The following MPRIP variants were observed in gnomAD, a reference collection of about 807,000 sequenced individuals.
MPRIP encodes the protein myosin phosphatase Rho interacting protein, also known as myosin phosphatase Rho-interacting protein.
MPRIP carries 59 observed loss-of-function variants against 234.9 expected under a neutral mutation model. The ratio of observed to expected loss-of-function variants is 0.25; its 90% CI spans 0.20 to 0.31. The LOEUF is 0.31. MPRIP is among the 10% of genes least tolerant of loss of function. The pLI is 1.00. For missense variants in MPRIP, 2,436 were observed against 3,071.0 expected (o/e 0.79, Z 4.89); for synonymous variants, 1,144 against 1,263.9 (o/e 0.91, Z 2.01).
At chr17:17,093,727 T>G (rs74369938) in intron 3 of MPRIP, among the ~76,000 whole-genome samples, 6,303 of 152,302 alleles carry the variant, frequency 0.041, 209 homozygotes, top group South Asian at 0.13. Flanking sequence ...TTCTTCTTAC[T>G]CCTGAGTCCT....
intron 3 of MPRIP, among the ~76,000 whole-genome samples, chr17:17,098,150 G>A (rs564564433): frequency 6.6e-6 from 1 of 152,200 alleles, no homozygotes; most frequent in Admixed American, 6.5e-5. Context: ...TGGCATTCAC[G>A]CACCTTTTGA....
At position 17,167,780 on chromosome 17, in the gene MPRIP, G is replaced by A. The variant is rs1320212907; in HGVS notation, c.6189G>A (p.Met2063Ile). 2.3e-6 allele frequency: 3 copies of A among 1,304,132 alleles called. No homozygotes were observed. The African/African-American group carries it at 4.6e-5, about 20-fold the overall frequency. The allele number at this position is 1,304,132 out of a possible 1,614,324, so 80.8% of individuals were successfully genotyped here. ...CCACCCAGGGAGAGGCTGACTCCATGACGGGGCTGAGGGAGCGCATCCAGG... is the reference window on the plus strand; with the variant it reads ...CCACCCAGGGAGAGGCTGACTCCATAACGGGGCTGAGGGAGCGCATCCAGG... ...WQATQGEADS[M>I]TGLRERIQEL... The change falls in exon 16 of 24, where the codon ATG (methionine) becomes ATA (isoleucine). Residue 2063 changes from methionine (M) to isoleucine (I), a missense_variant. Around this residue, in one of 4 missense-constraint regions of MPRIP, gnomAD observed 1,998 missense variants for 2,520.3 expected, o/e 0.79. Transcript: ENST00000651222. This position sits in a 1 kb window ranked among gnomAD's most constrained non-coding sequence, Gnocchi z 5.9.
intron 10 of MPRIP, among the ~76,000 whole-genome samples, chr17:17,146,952 C>T (rs1360394104): frequency 1.3e-5 from 2 of 152,252 alleles, no homozygotes; most frequent in Admixed American, 1.3e-4. Flanking sequence ...TGCCATTTCA[C>T]AGCCACCTTT....
Position 17,078,102 on chromosome 17 carries a change from T to C in MPRIP, c.267+26T>C, listed in dbSNP as rs150824044. The stretch of plus-strand genomic sequence containing the variant: ...GTAAGTGTTATCCTTGCCCACTCCC[T>C]GTCCCCAGCCTTCACCAAGTCCCTC... On this transcript the variant is annotated intron_variant, in intron 3 of 23. Transcript: ENST00000651222. The surrounding 1 kb of genome is among the most constrained non-coding windows in gnomAD (Gnocchi z 4.3). 5.8e-4 allele frequency: 940 copies of C among 1,612,898 alleles called. 5 individuals are homozygous for C. The Middle Eastern group carries it at 7.8e-3, about 13-fold the overall frequency.
intron 4 of MPRIP, among the ~76,000 whole-genome samples, chr17:17,130,072 T>C (rs1364865660): frequency 6.6e-6 from 1 of 152,182 alleles, no homozygotes; most frequent in East Asian, 1.9e-4. Context: ...CCTCCTTTCT[T>C]GTTTTGGGGC....
chr17:17,154,398 T>A lies in MPRIP; in HGVS notation c.1812T>A (p.Thr604=). 1 of 1,614,092 alleles carries A rather than the reference T, an allele frequency of 6.2e-7. No individual in the cohort carries two copies. The highest frequency in any genetic ancestry group is 2.2e-5 in the East Asian group (1 of 44,872). ...QTIMKHVHPT[T]APDVTSSLPE... is the part of the protein sequence containing the mutation. ...TCATGAAGCACGTGCACCCGACCAC[T>A]GCCCCGGATGTGACCAGGTAGGATG... The change falls in exon 13 of 24, where the codon ACT becomes ACA. Residue 604 remains threonine, a synonymous_variant. Transcript: ENST00000651222.
chr17:17,075,915 C>T, intron 2 of MPRIP, 128 bp downstream of exon 2: 3 of 867,112 alleles, frequency 3.5e-6, no homozygotes, highest in Non-Finnish European at 5.6e-6. Context: ...ACCAGCAGGG[C>T]TCCCCCATTT....
In MPRIP at chr17:17,192,006, A is replaced by G. The variant is rs529872560; in HGVS notation, c.*7112A>G. The G allele has an allele frequency of 1.2e-4, 18 of 152,228 alleles. No individual in the cohort carries two copies. The highest frequency in any genetic ancestry group is 4.1e-4 in the African/African-American group (17 of 41,524). 9.4% of individuals were successfully genotyped at this position (152,228 alleles called of 1,614,324 possible). A position where few individuals can be genotyped will look rare whatever the true frequency, so the allele number is the denominator to read the frequency against. On this transcript the variant is annotated 3_prime_UTR_variant, in exon 24 of 24. Coordinates refer to ENST00000651222, the MANE Select transcript of MPRIP (RefSeq NM_001364716.4). Reference sequence around the variant, plus strand: ...TCCAAGTGGCTCCTCAACAATTACAATTCTTAATGATTTTTCTCACAGCTG... The same window carrying G: ...TCCAAGTGGCTCCTCAACAATTACAGTTCTTAATGATTTTTCTCACAGCTG...
In MPRIP at chr17:17,167,466, C is replaced by G; in HGVS notation, c.5875C>G (p.Leu1959Val). 2 of 1,304,180 alleles carry G rather than the reference C, an allele frequency of 1.5e-6. No homozygotes were observed. The highest frequency in any genetic ancestry group is 2.0e-6 in the Non-Finnish European group (2 of 988,946). 80.8% of individuals were successfully genotyped at this position (1,304,180 alleles called of 1,614,324 possible). Reference sequence around the variant, plus strand: ...GGAGATTCGGTGTGTGGTGGAGCAGCTGACCAGGACCGAGAGCACACTGCA... The same window carrying G: ...GGAGATTCGGTGTGTGGTGGAGCAGGTGACCAGGACCGAGAGCACACTGCA... ...EEEIRCVVEQ[L>V]TRTESTLQAE... is the part of the protein sequence containing the mutation. The change falls in exon 16 of 24, where the codon CTG becomes GTG. Residue 1959 changes from leucine (L) to valine (V), a missense_variant. Coordinates refer to ENST00000651222, the MANE Select transcript of MPRIP (RefSeq NM_001364716.4). The surrounding 1 kb of genome is among the most constrained non-coding windows in gnomAD (Gnocchi z 5.9).
chr17:17,045,360 A>G (rs1209864591), intron 1 of MPRIP, among the ~76,000 whole-genome samples: 2 of 152,052 alleles, frequency 1.3e-5, no homozygotes, highest in Non-Finnish European at 2.9e-5. Flanking sequence ...TCCCCTAGAG[A>G]GGCACAGAAA....
intron 3 of MPRIP, among the ~76,000 whole-genome samples, chr17:17,100,096 C>T (rs1260224255): frequency 2.0e-5 from 3 of 152,290 alleles, no homozygotes; most frequent in Admixed American, 6.5e-5. Flanking sequence ...CCAGGCTCCA[C>T]CCTGCACTAT....
chr17:17,171,704 T>C lies in MPRIP; in HGVS notation c.6325-14T>C. 1 of 1,605,998 alleles carries C rather than the reference T, an allele frequency of 6.2e-7. No homozygotes were observed. Among genetic ancestry groups the C allele is most frequent in the Non-Finnish European group, 8.5e-7 (1 of 1,178,478 alleles). On this transcript the variant is annotated splice_polypyrimidine_tract_variant and intron_variant, in intron 16 of 23. Transcript: ENST00000651222. The stretch of plus-strand genomic sequence containing the variant: ...AAAGAAAGAAGTCGATGAAGTCCCT[T>C]TTGCATTTTGCAGGCCACGTGCGAG...
intron 1 of MPRIP, among the ~76,000 whole-genome samples, chr17:17,052,014 G>A (rs748922279): frequency 2.1e-4 from 32 of 152,238 alleles, no homozygotes; most frequent in Non-Finnish European, 4.4e-4. Flanking sequence ...GTCATAGCCC[G>A]TGATTTCACA....
At chr17:17,052,375 C>T (rs963225311) in intron 1 of MPRIP, among the ~76,000 whole-genome samples, 2 of 152,190 alleles carry the variant, frequency 1.3e-5, no homozygotes, top group African/African-American at 4.8e-5. Flanking sequence ...ACTTCTAGTT[C>T]CTAGCCCTGG....
At chr17:17,073,569 G>C (rs1025596110) in intron 1 of MPRIP, among the ~76,000 whole-genome samples, 1 of 152,218 alleles carries the variant, frequency 6.6e-6, no homozygotes, top group African/African-American at 2.4e-5. Context: ...GGCTTGGCAG[G>C]CTAGCCTCTG....
At chr17:17,153,888 A>G (rs1359905956) in intron 12 of MPRIP, among the ~76,000 whole-genome samples, 1 of 151,396 alleles carries the variant, frequency 6.6e-6, no homozygotes, top group Non-Finnish European at 1.5e-5. Flanking sequence ...GCCACTCCCC[A>G]CGCCCAACAC....
rs751622845 is a variant in MPRIP, at chr17:17,171,726, C to T, written c.6333C>T (p.Cys2111=). The change falls in exon 17 of 24, where the codon TGC becomes TGT. Residue 2111 remains cysteine (C), a synonymous_variant. Coordinates refer to ENST00000651222, the MANE Select transcript of MPRIP (RefSeq NM_001364716.4). ...CCTTTTGCATTTTGCAGGCCACGTGCGAGCGAGGGTTTGCAGCAATGGAAG... is the reference window on the plus strand; with the variant it reads ...CCTTTTGCATTTTGCAGGCCACGTGTGAGCGAGGGTTTGCAGCAATGGAAG... ...QRDLESLKAT[C]ERGFAAMEET... 6.8e-6 allele frequency: 11 copies of T among 1,612,228 alleles called. No homozygotes were observed. The South Asian group carries it at 7.7e-5, about 11-fold the overall frequency.
chr17:17,147,112 T>TAGTGAGCGTCCTGAGGG lies in MPRIP; in HGVS notation c.1561-206_1561-190dup, dbSNP rs3833097. On this transcript the variant is annotated intron_variant, in intron 10 of 23. Coordinates refer to ENST00000651222, the MANE Select transcript of MPRIP (RefSeq NM_001364716.4). ...GCCTCTTCACTGGAGGGTCACAGCT[T>TAGTGAGCGTCCTGAGGG]AGTGAGCGTCCTGAGGGTGTGAGCG... 6.6e-5 allele frequency among the ~76,000 whole-genome samples: 10 copies of TAGTGAGCGTCCTGAGGG among 152,330 alleles called. 1 individual carries two copies. In the East Asian group the frequency reaches 1.9e-3, roughly 29 times the overall value.
chr17:17,158,014 C>G (rs1352750810), intron 13 of MPRIP, among the ~76,000 whole-genome samples: 1 of 152,086 alleles, frequency 6.6e-6, no homozygotes, highest in Non-Finnish European at 1.5e-5. Context: ...AGTTCTTGGC[C>G]CTGAGCAAGG....
Sources: gnomAD v4.1 joint callset for allele counts (sites outside exome capture counted in the v4.1 genomes callset) on GRCh38, gnomAD v4.1.1 for gene constraint, gnomAD v4.1.1 regional missense constraint, Gnocchi (gnomAD v3.1) non-coding constraint, MANE v1.5 for transcripts, NCBI Gene and HGNC (gene_info 2026-07-23, HGNC 2026-07-21) for gene names.